The following LTBP1 variants were observed in gnomAD, a reference collection of about 807,000 sequenced individuals.
The protein encoded by LTBP1 is latent-transforming growth factor beta-binding protein 1.
LTBP1 carries 129 observed loss-of-function variants against 207.6 expected under a neutral mutation model. The ratio of observed to expected loss-of-function variants is 0.62; its 90% confidence interval spans 0.54 to 0.72. The LOEUF is 0.72. LTBP1 is among the 30% of genes least tolerant of loss of function. The probability of loss-of-function intolerance (pLI) is 0.00; values close to 1 mark genes in which losing one functional copy is unlikely to be tolerated. For synonymous variants in LTBP1, 963 were observed against 833.7 expected (o/e 1.16, Z -2.67); for missense variants, 2,281 against 2,217.2 (o/e 1.03, Z -0.58).
At chr2:33,371,426 T>C (rs1238414823) in intron 31 of LTBP1, among the ~76,000 whole-genome samples, 3 of 152,168 alleles carry the variant, frequency 2.0e-5, no homozygotes, top group Non-Finnish European at 4.4e-5. Flanking sequence ...TTTATTGTGA[T>C]GTCATGTCAG....
intron 19 of LTBP1, among the ~76,000 whole-genome samples, chr2:33,282,884 GA>G (rs763160993): frequency 2.0e-5 from 3 of 151,972 alleles, no homozygotes; most frequent in Non-Finnish European, 2.9e-5. Flanking sequence ...CCAACATGGT[GA>G]AACCCTGTCT....
Position 33,188,870 on chromosome 2 carries a change from C to A in LTBP1, c.1701+19C>A, listed in dbSNP as rs1300116420. On this transcript the variant is annotated intron_variant, in intron 7 of 33. Transcript: ENST00000404816. Reference sequence around the variant, plus strand: ...GTCACAGGTAAACATCATCACCGAGCCTGCTTTAGCAGTGTCTTACAGATA... The same window carrying A: ...GTCACAGGTAAACATCATCACCGAGACTGCTTTAGCAGTGTCTTACAGATA... 3.7e-6 allele frequency: 6 copies of A among 1,611,894 alleles called. No individual in the cohort carries two copies. The highest frequency in any genetic ancestry group is 1.7e-5 in the Admixed American group (1 of 59,928).
intron 2 of LTBP1, among the ~76,000 whole-genome samples, chr2:32,991,875 A>T (rs536728267): frequency 1.3e-5 from 2 of 152,194 alleles, no homozygotes; most frequent in South Asian, 2.1e-4. Flanking sequence ...TCTTTCAGAG[A>T]CAACTTTAAT....
intron 9 of LTBP1, among the ~76,000 whole-genome samples, chr2:33,227,015 G>A (rs2091477325): frequency 6.6e-6 from 1 of 151,382 alleles, no homozygotes; most frequent in African/African-American, 2.4e-5. Flanking sequence ...TTACCAATAT[G>A]TTTTTGCATC....
intron 24 of LTBP1, among the ~76,000 whole-genome samples, chr2:33,321,470 T>C (rs570577241): frequency 4.6e-5 from 7 of 152,274 alleles, no homozygotes; most frequent in African/African-American, 1.7e-4. Flanking sequence ...AAAGACAACA[T>C]TGCCAAATCA....
chr2:33,189,216 G>GAT (rs1553446044), intron 7 of LTBP1, among the ~76,000 whole-genome samples: 2 of 138,094 alleles, frequency 1.4e-5, no homozygotes, highest in Non-Finnish European at 3.2e-5. Context: ...GATTGATTGA[G>GAT]TTGGAGTCTC....
At chr2:33,328,163 A>G (rs2094451242) in intron 24 of LTBP1, among the ~76,000 whole-genome samples, 1 of 133,178 alleles carries the variant, frequency 7.5e-6, no homozygotes, top group Non-Finnish European at 1.5e-5. Context: ...ATAAATAAAT[A>G]AATAAAATAA....
intron 8 of LTBP1, among the ~76,000 whole-genome samples, chr2:33,219,330 G>T (rs2090933208): frequency 6.6e-6 from 1 of 152,174 alleles, no homozygotes; most frequent in African/African-American, 2.4e-5. Flanking sequence ...GAGTGTGATG[G>T]TTCATCGTCA....
intron 5 of LTBP1, among the ~76,000 whole-genome samples, chr2:33,167,076 AAG>A (rs2084985997): frequency 2.6e-5 from 4 of 152,200 alleles, no homozygotes; most frequent in Non-Finnish European, 5.9e-5. Flanking sequence ...TGTTTCTACT[AAG>A]AGTCAGTTCT....
intron 26 of LTBP1, among the ~76,000 whole-genome samples, chr2:33,349,256 C>A (rs1156282657): frequency 6.6e-6 from 1 of 152,128 alleles, no homozygotes; most frequent in East Asian, 1.9e-4. Flanking sequence ...TCTAGACCAG[C>A]CTGGCCAACA....
chr2:33,355,255 C>T (rs2094843469), intron 26 of LTBP1, among the ~76,000 whole-genome samples: 1 of 151,886 alleles, frequency 6.6e-6, no homozygotes, highest in African/African-American at 2.4e-5. Context: ...GTGTACTATT[C>T]TCTCGTTTTT....
At chr2:33,213,802 T>A (rs1392130777) in intron 7 of LTBP1, among the ~76,000 whole-genome samples, 1 of 152,174 alleles carries the variant, frequency 6.6e-6, no homozygotes, top group African/African-American at 2.4e-5. Flanking sequence ...GCAGACCCAG[T>A]TTCAAGACAC....
chr2:33,234,204 T>C (rs1310393289), intron 9 of LTBP1, among the ~76,000 whole-genome samples: 1 of 152,220 alleles, frequency 6.6e-6, no homozygotes, highest in Non-Finnish European at 1.5e-5. Flanking sequence ...CATCTTGTTC[T>C]TCTCTGACTT....
chr2:33,027,496 C>T (rs759800731), intron 3 of LTBP1, among the ~76,000 whole-genome samples: 1 of 152,100 alleles, frequency 6.6e-6, no homozygotes, highest in South Asian at 2.1e-4. Context: ...TACCCTTTGA[C>T]CATTTTTTGG....
intron 26 of LTBP1, among the ~76,000 whole-genome samples, chr2:33,354,099 G>A (rs1469252683): frequency 2.0e-5 from 3 of 151,930 alleles, no homozygotes; most frequent in Non-Finnish European, 2.9e-5. Flanking sequence ...TCCTGACCTC[G>A]TGATCCTCCC....
chr2:33,121,159 C>CTTTTCTT (rs2081085565), intron 4 of LTBP1, among the ~76,000 whole-genome samples: 1 of 87,536 alleles, frequency 1.1e-5, no homozygotes, highest in East Asian at 3.4e-4. Context: ...TTTGTAAAGT[C>CTTTTCTT]TTTTTTTTTT....
intron 7 of LTBP1, among the ~76,000 whole-genome samples, chr2:33,193,244 G>T (rs2088118562): frequency 6.6e-6 from 1 of 151,976 alleles, no homozygotes. Context: ...CTGGTTCAAG[G>T]GATTCTCCTG....
At chr2:33,209,560 C>CT (rs1220816199) in intron 7 of LTBP1, among the ~76,000 whole-genome samples, 3 of 152,218 alleles carry the variant, frequency 2.0e-5, no homozygotes, top group Non-Finnish European at 1.5e-5. Context: ...ATGACATGCC[C>CT]TCCACAGCAT....
intron 3 of LTBP1, among the ~76,000 whole-genome samples, chr2:33,043,265 C>G (rs952463822): frequency 1.3e-5 from 2 of 152,070 alleles, no homozygotes; most frequent in African/African-American, 4.8e-5. Flanking sequence ...TTGTATATAA[C>G]AGCTTTGATT....
Sources: gnomAD v4.1 joint callset for allele counts (sites outside exome capture counted in the v4.1 genomes callset) on GRCh38, gnomAD v4.1.1 for gene constraint, MANE v1.5 for transcripts, NCBI Gene and HGNC (gene_info 2026-07-23, HGNC 2026-07-21) for gene names.